Variants in PDE10A observed in about 807,000 individuals in gnomAD.
The protein encoded by PDE10A is cAMP and cAMP-inhibited cGMP 3',5'-cyclic phosphodiesterase 10A.
PDE10A carries 39 observed loss-of-function variants against 97.7 expected under a neutral mutation model. That is an observed-to-expected ratio of 0.40 (90% CI 0.31 to 0.52). The LOEUF (loss-of-function observed/expected upper bound fraction) is 0.52. Among genes scored for constraint, PDE10A ranks in the 20% least tolerant of loss-of-function variants. The pLI is 0.56. For synonymous variants in PDE10A, 371 were observed against 376.8 expected (o/e 0.98, Z 0.18); for missense variants, 731 against 1,047.8 (o/e 0.70, Z 4.17).
chr6:165,642,362 G>A (rs1221525226), intron 1 of PDE10A, among the ~76,000 whole-genome samples: 1 of 152,220 alleles, frequency 6.6e-6, no homozygotes, highest in Non-Finnish European at 1.5e-5. Context: ...GGTCATGGAC[G>A]TCCATCTGTG....
chr6:165,598,658 T>C (rs1462905407), intron 1 of PDE10A, among the ~76,000 whole-genome samples: 1 of 152,190 alleles, frequency 6.6e-6, no homozygotes, highest in Non-Finnish European at 1.5e-5. Context: ...ATTCTTAATA[T>C]GCCATCTGGA....
intron 21 of PDE10A, among the ~76,000 whole-genome samples, 172 bp downstream of exon 21, chr6:165,335,951 A>G (rs1427958253): frequency 6.6e-6 from 1 of 152,214 alleles, no homozygotes; most frequent in Non-Finnish European, 1.5e-5. Context: ...ACCAAAGGGG[A>G]GAAGTCGTGG....
At chr6:165,736,163 G>A (rs1327817987) in intron 1 of PDE10A, among the ~76,000 whole-genome samples, 1 of 152,112 alleles carries the variant, frequency 6.6e-6, no homozygotes, top group Non-Finnish European at 1.5e-5. Context: ...AGAAGTAGGT[G>A]GCAAAAGTAA....
At position 165,332,983 on chromosome 6, in the gene PDE10A, T is replaced by G; in HGVS notation, c.*42A>C. The G allele has an allele frequency of 6.6e-6, 6 of 907,864 alleles. No individual in the cohort carries two copies. Among genetic ancestry groups the G allele is most frequent in the Non-Finnish European group, 8.6e-6 (5 of 584,600 alleles). 56.2% of individuals were successfully genotyped at this position (907,864 alleles called of 1,614,324 possible). ...GGAAAAGAATGTCAAAGAAGCAAGA[T>G]GAGGATCTGTAGGTGGGACAGCGTG... On this transcript the variant is annotated 3_prime_UTR_variant, in exon 22 of 22. Transcript: ENST00000539869.
Position 165,429,663 on chromosome 6 carries a change from C to T in PDE10A, c.1601+624G>A, listed in dbSNP as rs185041025. 2.6e-4 allele frequency among the ~76,000 whole-genome samples: 39 copies of T among 151,882 alleles called. No homozygotes were observed. In the East Asian group the frequency reaches 7.2e-3, roughly 28 times the overall value. Reference sequence around the variant, plus strand: ...ACATGACCCTAAAGTTACCACATCCCGGCGCATATTTTAGATTTCAGTGAT... The same window carrying T: ...ACATGACCCTAAAGTTACCACATCCTGGCGCATATTTTAGATTTCAGTGAT... On this transcript the variant is annotated intron_variant, in intron 9 of 21. Coordinates refer to ENST00000539869, the MANE Select transcript of PDE10A (RefSeq NM_001385079.1).
intron 1 of PDE10A, among the ~76,000 whole-genome samples, chr6:165,629,940 A>T (rs1299725149): frequency 6.6e-6 from 1 of 152,206 alleles, no homozygotes; most frequent in Non-Finnish European, 1.5e-5. Context: ...AATCGCTCTC[A>T]ATTAAAAACA....
At chr6:165,927,905 C>T (rs1782994307) in intron 1 of PDE10A, among the ~76,000 whole-genome samples, 1 of 150,410 alleles carries the variant, frequency 6.6e-6, no homozygotes, top group Non-Finnish European at 1.5e-5. Context: ...CCATATTGGC[C>T]AGGCTGGTCT....
intron 1 of PDE10A, among the ~76,000 whole-genome samples, chr6:165,885,337 G>A (rs1781599593): frequency 2.6e-5 from 4 of 152,232 alleles, no homozygotes; most frequent in Admixed American, 2.6e-4. Flanking sequence ...CAAGGTGGCA[G>A]AAGCGAGAGA....
chr6:165,572,790 T>C (rs1486564839), intron 1 of PDE10A, among the ~76,000 whole-genome samples: 2 of 152,200 alleles, frequency 1.3e-5, no homozygotes, highest in Non-Finnish European at 2.9e-5. Context: ...TGAGCCACGA[T>C]CGTGCCACTG....
intron 18 of PDE10A, among the ~76,000 whole-genome samples, chr6:165,373,807 T>A (rs62442143): frequency 0.41 from 62,423 of 151,234 alleles, 12,985 homozygotes; most frequent in Admixed American, 0.45. Context: ...CACTATTCAC[T>A]ATAGCAAAGA....
chr6:165,851,964 C>T (rs953718376), intron 1 of PDE10A, among the ~76,000 whole-genome samples: 3 of 152,138 alleles, frequency 2.0e-5, no homozygotes, highest in Non-Finnish European at 2.9e-5. Flanking sequence ...AGATATATAA[C>T]AGGAATTGAG....
intron 1 of PDE10A, chr6:165,576,354 C>A (rs1785304719): frequency 1.3e-6 from 1 of 778,406 alleles, no homozygotes; most frequent in African/African-American, 1.7e-5. Context: ...AGTTTGCTTC[C>A]TGTCTATCTG....
chr6:165,366,542 A>T (rs931558381), intron 18 of PDE10A, among the ~76,000 whole-genome samples: 4 of 152,218 alleles, frequency 2.6e-5, no homozygotes, highest in Non-Finnish European at 4.4e-5. Context: ...AAGTGGAAGA[A>T]GATTTAAACG....
At chr6:165,763,361 C>CA (rs936401260) in intron 1 of PDE10A, among the ~76,000 whole-genome samples, 2 of 152,180 alleles carry the variant, frequency 1.3e-5, no homozygotes, top group African/African-American at 4.8e-5. Context: ...CTTGCTCTGT[C>CA]ACCCAGGCTG....
chr6:165,366,794 T>C (rs1157117423), intron 18 of PDE10A, among the ~76,000 whole-genome samples: 1 of 152,046 alleles, frequency 6.6e-6, no homozygotes, highest in Admixed American at 6.6e-5. Flanking sequence ...AAAACAGAAA[T>C]GGAACCACCC....
At chr6:165,343,546 A>G (rs763427204) in intron 18 of PDE10A, 44 bp from the exon 19 acceptor site, 1 of 1,348,530 alleles carries the variant, frequency 7.4e-7, no homozygotes, top group East Asian at 2.3e-5. Flanking sequence ...GCATTTGCAC[A>G]TTTATAGTAA....
rs1347613929 is a variant in PDE10A, at chr6:165,662,932, TGGTCCTCCTCTCC to T, written c.-134_-122del. On this transcript the variant is annotated 5_prime_UTR_variant, in exon 1 of 22. Transcript: ENST00000539869. Reference sequence around the variant, plus strand: ...CCTGCCGGCCGCCCGAACCGCTGCCTGGTCCTCCTCTCCGGTCTTCGGCTTCCCTCCCAGTCTA... The same window carrying T: ...CCTGCCGGCCGCCCGAACCGCTGCCTGGTCTTCGGCTTCCCTCCCAGTCTA... Among the ~76,000 whole-genome samples the T allele has an allele frequency of 2.7e-5, 4 of 150,932 alleles. No homozygotes were observed. Among genetic ancestry groups the T allele is most frequent in the Non-Finnish European group, 5.9e-5 (4 of 67,634 alleles).
intron 18 of PDE10A, among the ~76,000 whole-genome samples, chr6:165,348,624 CTCTCT>C (rs1782472793): frequency 6.6e-6 from 1 of 152,194 alleles, no homozygotes; most frequent in Non-Finnish European, 1.5e-5. Flanking sequence ...TTTCCTCTCT[CTCTCT>C]TTTCTGTTCC....
At chr6:165,515,718 T>G (rs1296556389) in intron 2 of PDE10A, among the ~76,000 whole-genome samples, 1 of 151,992 alleles carries the variant, frequency 6.6e-6, no homozygotes, top group African/African-American at 2.4e-5. Flanking sequence ...GAGACGGGGA[T>G]TCACCATGTT....
Sources: gnomAD v4.1 joint callset for allele counts (sites outside exome capture counted in the v4.1 genomes callset) on GRCh38, gnomAD v4.1.1 for gene constraint, MANE v1.5 for transcripts, NCBI Gene and HGNC (gene_info 2026-07-23, HGNC 2026-07-21) for gene names.